Variants in NEGR1 observed in about 807,000 individuals in gnomAD.
The protein encoded by NEGR1 is neuronal growth regulator 1.
In NEGR1, 10 loss-of-function variants were observed where a neutral mutation model predicts 40.9. The observed-to-expected ratio is 0.24, with a 90% CI of 0.15 to 0.42. The LOEUF (loss-of-function observed/expected upper bound fraction) is 0.42, where lower values mean the gene tolerates loss of function less well. Ranked by LOEUF, NEGR1 falls within the 10% of genes least tolerant of loss-of-function variation. The probability of loss-of-function intolerance (pLI) is 1.00; values close to 1 mark genes in which losing one functional copy is unlikely to be tolerated. For missense variants in NEGR1, 352 were observed against 438.9 expected (o/e 0.80, Z 1.77); for synonymous variants, 185 against 166.8 (o/e 1.11, Z -0.84).
intron 1 of NEGR1, among the ~76,000 whole-genome samples, chr1:72,043,851 A>G (rs946704418): frequency 6.6e-6 from 1 of 152,046 alleles, no homozygotes; most frequent in Admixed American, 6.6e-5. Context: ...GGACAATACA[A>G]TACTCCTGGA....
chr1:72,282,489 G>C lies in NEGR1; in HGVS notation c.6C>G (p.Asp2Glu). 1 of 1,607,638 alleles carries C rather than the reference G, an allele frequency of 6.2e-7. No homozygotes were observed. The highest frequency in any genetic ancestry group is 8.5e-7 in the Non-Finnish European group (1 of 1,178,040). MDMMLLVQGACC... is the reference protein window; with the variant it reads MEMMLLVQGACC... Reference sequence around the variant, plus strand: ...AAGCACCCTGCACCAACAGCATCATGTCCATCCCTGCTAGGGCTGCTCACT... The same window carrying C: ...AAGCACCCTGCACCAACAGCATCATCTCCATCCCTGCTAGGGCTGCTCACT... Residue 2 changes from aspartate (D) to glutamate (E), a missense_variant, in exon 1 of 7, where the codon GAC becomes GAG. Asp to Glu is a conservative substitution (Grantham distance 45). Around this residue, in one of 5 missense-constraint regions of NEGR1, gnomAD observed 81 missense variants for 85.8 expected, o/e 0.94. Transcript: ENST00000357731.
intron 6 of NEGR1, among the ~76,000 whole-genome samples, chr1:71,467,019 T>C (rs1646750979): frequency 6.6e-6 from 1 of 152,148 alleles, no homozygotes; most frequent in Admixed American, 6.6e-5. Flanking sequence ...GATTTTTGTT[T>C]ATGTCATGGC....
intron 2 of NEGR1, among the ~76,000 whole-genome samples, chr1:71,850,584 G>A (rs1228827212): frequency 6.6e-6 from 1 of 152,120 alleles, no homozygotes; most frequent in East Asian, 1.9e-4. Context: ...ATCAGTGATT[G>A]TATGTTATTC....
At chr1:72,002,859 G>A (rs142981087) in intron 1 of NEGR1, among the ~76,000 whole-genome samples, 42 of 152,048 alleles carry the variant, frequency 2.8e-4, no homozygotes, top group Non-Finnish European at 4.3e-4. Flanking sequence ...AGGACACATC[G>A]AATGTAAAAT....
At chr1:71,993,372 C>T (rs1646472757) in intron 1 of NEGR1, among the ~76,000 whole-genome samples, 1 of 152,124 alleles carries the variant, frequency 6.6e-6, no homozygotes, top group South Asian at 2.1e-4. Context: ...CTGGAGTTAG[C>T]CACCGACTGG....
chr1:71,520,791 A>G (rs1390718235), intron 6 of NEGR1, among the ~76,000 whole-genome samples: 1 of 151,996 alleles, frequency 6.6e-6, no homozygotes, highest in African/African-American at 2.4e-5. Context: ...GGGGCAGGGA[A>G]AGACAATACA....
chr1:72,043,623 A>G (rs902380878), intron 1 of NEGR1, among the ~76,000 whole-genome samples: 17 of 151,972 alleles, frequency 1.1e-4, no homozygotes, highest in Non-Finnish European at 2.2e-4. Context: ...TCCATAATGA[A>G]AAGCTAGCAT....
At chr1:71,603,946 G>A (rs1219770528) in intron 5 of NEGR1, among the ~76,000 whole-genome samples, 1 of 152,110 alleles carries the variant, frequency 6.6e-6, no homozygotes, top group Non-Finnish European at 1.5e-5. Flanking sequence ...CACTGTTGAT[G>A]AGTGAGCACT....
chr1:72,178,774 G>A (rs1307071857), intron 1 of NEGR1, among the ~76,000 whole-genome samples: 1 of 151,262 alleles, frequency 6.6e-6, no homozygotes, highest in East Asian at 2.0e-4. Flanking sequence ...TCTCATTTTG[G>A]TTTTCATTTG....
chr1:71,681,725 C>G (rs986978459), intron 4 of NEGR1, among the ~76,000 whole-genome samples: 1 of 152,122 alleles, frequency 6.6e-6, no homozygotes. Context: ...CCTAATATGT[C>G]CTTATGGAAT....
chr1:71,923,724 C>T (rs1645741979), intron 2 of NEGR1, among the ~76,000 whole-genome samples: 2 of 152,088 alleles, frequency 1.3e-5, no homozygotes, highest in Non-Finnish European at 2.9e-5. Context: ...TTCCTTGGCT[C>T]AGGGTCCCCT....
At chr1:72,264,774 A>T (rs1415889271) in intron 1 of NEGR1, among the ~76,000 whole-genome samples, 1 of 150,866 alleles carries the variant, frequency 6.6e-6, no homozygotes, top group Non-Finnish European at 1.5e-5. Context: ...TAATGCATAG[A>T]CTTTCTCAGT....
chr1:72,269,543 T>A (rs2100556135), intron 1 of NEGR1, among the ~76,000 whole-genome samples: 1 of 151,890 alleles, frequency 6.6e-6, no homozygotes, highest in South Asian at 2.1e-4. Context: ...TGGTTATGCA[T>A]TAATAGCTGT....
At chr1:71,919,151 A>G (rs1482196229) in intron 2 of NEGR1, among the ~76,000 whole-genome samples, 2 of 152,180 alleles carry the variant, frequency 1.3e-5, no homozygotes, top group African/African-American at 4.8e-5. Context: ...AGGTGGACTA[A>G]CACAATAATT....
intron 6 of NEGR1, among the ~76,000 whole-genome samples, chr1:71,493,709 C>T (rs1220561739): frequency 6.6e-6 from 1 of 152,136 alleles, no homozygotes; most frequent in African/African-American, 2.4e-5. Flanking sequence ...AATTTCCTTA[C>T]ACAGATTTTT....
At chr1:72,097,831 T>G (rs546618511) in intron 1 of NEGR1, among the ~76,000 whole-genome samples, 1 of 152,204 alleles carries the variant, frequency 6.6e-6, no homozygotes. Context: ...AAGAATGTTG[T>G]ACTTACACAT....
At chr1:71,593,653 T>G (rs1649582712) in intron 5 of NEGR1, among the ~76,000 whole-genome samples, 1 of 152,194 alleles carries the variant, frequency 6.6e-6, no homozygotes, top group African/African-American at 2.4e-5. Flanking sequence ...TTCAAACTAA[T>G]TGTCCAACAG....
intron 2 of NEGR1, among the ~76,000 whole-genome samples, chr1:71,927,818 TAAAAAAAAAAAAAAAAAAAA>T (rs35429988): frequency 1.3e-4 from 3 of 22,430 alleles, no homozygotes; most frequent in East Asian, 2.0e-3. Flanking sequence ...ACCCAATCTC[TAAAAAAAAAAAAAAAAAAAA>T]AAAAAAAAAA....
chr1:72,123,943 TG>T (rs1649904919), intron 1 of NEGR1, among the ~76,000 whole-genome samples: 1 of 152,080 alleles, frequency 6.6e-6, no homozygotes, highest in Non-Finnish European at 1.5e-5. Context: ...GCACTGGTGC[TG>T]CTTCAGCCAC....
Sources: allele counts gnomAD v4.1 joint callset (sites outside exome capture counted in the v4.1 genomes callset), GRCh38; gene constraint gnomAD v4.1.1; regional missense constraint gnomAD v4.1.1; transcripts MANE v1.5; gene names NCBI Gene and HGNC (gene_info 2026-07-23, HGNC 2026-07-21).